The following ZNF442 variants were observed in gnomAD, a reference collection of about 807,000 sequenced individuals.
The protein encoded by ZNF442 is zinc finger protein 442.
In ZNF442, 45 loss-of-function variants were observed where a neutral mutation model predicts 57.0. That is an observed-to-expected ratio of 0.79 (90% CI 0.62 to 1.01). The LOEUF is 1.01. Ranked by LOEUF, ZNF442 falls within the 50% of genes least tolerant of loss-of-function variation. The pLI is 0.00. For synonymous variants in ZNF442, 213 were observed against 241.8 expected (o/e 0.88, Z 1.10); for missense variants, 690 against 756.5 (o/e 0.91, Z 1.03).
At chr19:12,361,719 C>T (rs879896063) in intron 3 of ZNF442, among the ~76,000 whole-genome samples, 1 of 124,586 alleles carries the variant, frequency 8.0e-6, no homozygotes, top group Non-Finnish European at 1.7e-5. Flanking sequence ...CCCACGGTCT[C>T]CCTCTCCCTC....
At position 12,350,688 on chromosome 19, in the gene ZNF442, T is replaced by C. The variant is rs1165542111; in HGVS notation, c.897A>G (p.Gly299=). The change falls in exon 6 of 6, where the codon GGA becomes GGG. Residue 299 remains glycine, a synonymous_variant. Transcript: ENST00000242804. ...GGGAACTGGAAACACTGAAGGCTCT[T>C]CCACATCGTTTACATTTATAGGGTT... ...GEKPYKCKRC[G]RAFSVSSSLR... is the part of the protein sequence containing the mutation. 6.2e-7 allele frequency: 1 copy of C among 1,613,550 alleles called. No individual in the cohort carries two copies. The highest frequency in any genetic ancestry group is 1.1e-5 in the South Asian group (1 of 90,996).
chr19:12,358,500 G>T (rs1356055515), intron 3 of ZNF442, among the ~76,000 whole-genome samples: 1 of 152,196 alleles, frequency 6.6e-6, no homozygotes, highest in Non-Finnish European at 1.5e-5. Context: ...ATGCAGATAA[G>T]TGCAGGTATC....
At chr19:12,367,869 C>T (rs574593496), upstream of ZNF442, among the ~76,000 whole-genome samples, 13 of 152,178 alleles carry the variant, frequency 8.5e-5, no homozygotes, top group South Asian at 4.2e-4. Context: ...GGGGTTTCAC[C>T]GTGTTAGCCA....
rs1413856818 is a variant in ZNF442, at chr19:12,348,038, GA to G, written c.*1662del. 6.6e-6 allele frequency: 1 copy of G among 152,132 alleles called. No homozygotes were observed. Among genetic ancestry groups the G allele is most frequent in the Non-Finnish European group, 1.5e-5 (1 of 68,026 alleles). 9.4% of individuals were successfully genotyped at this position (152,132 alleles called of 1,614,324 possible). ...GGGGCATCTACAGCCTCTGCAAGGT[GA>G]AAAGTATTAAAGATTACAATCCTCG... On this transcript the variant is annotated 3_prime_UTR_variant, in exon 6 of 6. Coordinates refer to ENST00000242804, the MANE Select transcript of ZNF442 (RefSeq NM_030824.3).
Position 12,350,923 on chromosome 19 carries a change from G to A in ZNF442, c.662C>T (p.Pro221Leu). 6.2e-7 allele frequency: 1 copy of A among 1,614,012 alleles called. No individual in the cohort carries two copies. Among genetic ancestry groups the A allele is most frequent in the East Asian group, 2.2e-5 (1 of 44,868 alleles). ...TCTTTCATGCATACGAAATAAACTA[G>A]GCCAAAAAAAGGCTTTCCCACACAA... The part of the protein sequence containing the change: ...CKLCGKAFFW[P>L]SLFRMHERTH... Residue 221 changes from proline (P) to leucine (L), a missense_variant, in exon 6 of 6, where the codon CCT becomes CTT. Pro to Leu is a moderately conservative substitution (Grantham distance 98). Coordinates refer to ENST00000242804, the MANE Select transcript of ZNF442 (RefSeq NM_030824.3).
At chr19:12,367,440 G>A (rs555940888), upstream of ZNF442, among the ~76,000 whole-genome samples, 1 of 152,302 alleles carries the variant, frequency 6.6e-6, no homozygotes, top group South Asian at 2.1e-4. Context: ...TGCATGCACT[G>A]TCTTGATAAA....
At chr19:12,367,161 C>T (rs1342276873), upstream of ZNF442, among the ~76,000 whole-genome samples, 4 of 152,078 alleles carry the variant, frequency 2.6e-5, no homozygotes, top group Non-Finnish European at 5.9e-5. Flanking sequence ...TTCTATTTTC[C>T]CTAAGTGTCG....
Position 12,362,376 on chromosome 19 carries a change from C to T in ZNF442, c.78+1178G>A, listed in dbSNP as rs556734358. 7.9e-5 allele frequency among the ~76,000 whole-genome samples: 12 copies of T among 152,230 alleles called. No homozygotes were observed. In the South Asian group the frequency reaches 1.7e-3, roughly 21 times the overall value. ...GAGCGCCTCTGCCCAGCGGCGACCC[C>T]GTCTGGGAACTGAGGAGTGTCTCTG... On this transcript the variant is annotated intron_variant, in intron 3 of 5. Transcript: ENST00000242804.
In ZNF442 at chr19:12,350,405, T is replaced by C; in HGVS notation, c.1180A>G (p.Ser394Gly). The C allele has an allele frequency of 6.2e-7, 1 of 1,613,714 alleles. No individual in the cohort carries two copies. The highest frequency in any genetic ancestry group is 1.1e-5 in the South Asian group (1 of 91,084). Reference protein sequence around the residue: ...KALSHHSSFRSHMIMHTGDGP... With the variant: ...KALSHHSSFRGHMIMHTGDGP... ...TCTCCAGTGTGCATTATCATATGAC[T>C]TCGAAAGCTTGAGTGATGAGATAAC... Residue 394 changes from serine (S) to glycine (G), a missense_variant, in exon 6 of 6, where the codon AGT (serine) becomes GGT (glycine). Coordinates refer to ENST00000242804, the MANE Select transcript of ZNF442 (RefSeq NM_030824.3).
intron 3 of ZNF442, among the ~76,000 whole-genome samples, chr19:12,362,136 T>C (rs1005707263): frequency 6.6e-6 from 1 of 152,206 alleles, no homozygotes. Context: ...TCTGCCTGGC[T>C]GCCACCCCAT....
chr19:12,367,545 T>G (rs979874233), upstream of ZNF442, among the ~76,000 whole-genome samples: 1 of 152,134 alleles, frequency 6.6e-6, no homozygotes, highest in Non-Finnish European at 1.5e-5. Flanking sequence ...CTGAGGGCAC[T>G]GCAGGAGACC....
chr19:12,353,205 T>A, intron 3 of ZNF442, 91 bp from the exon 4 acceptor site: 1 of 1,371,180 alleles, frequency 7.3e-7, no homozygotes, highest in Non-Finnish European at 9.8e-7. Flanking sequence ...TACTATTATT[T>A]CTAAGCAATG....
intron 3 of ZNF442, among the ~76,000 whole-genome samples, chr19:12,357,272 T>C (rs916630816): frequency 1.3e-5 from 2 of 152,032 alleles, no homozygotes; most frequent in Non-Finnish European, 2.9e-5. Flanking sequence ...GCAGTTCTCA[T>C]ACTTTATGTG....
intron 3 of ZNF442, among the ~76,000 whole-genome samples, chr19:12,361,982 G>A (rs972798634): frequency 1.3e-5 from 2 of 152,308 alleles, no homozygotes; most frequent in East Asian, 1.9e-4. Context: ...TCGGCCTCCC[G>A]AGGTGCAGGG....
rs992082615 is a variant in ZNF442, at chr19:12,361,713, C to A, written c.78+1841G>T. ...CCCCCTCCCCCTCTCGCTGTCCCCA[C>A]GGTCTCCCTCTCCCTCTCCCTCTCC... is the stretch of plus-strand genomic sequence containing the variant. On this transcript the variant is annotated intron_variant, in intron 3 of 5. Transcript: ENST00000242804. 7.6e-5 allele frequency among the ~76,000 whole-genome samples: 11 copies of A among 144,798 alleles called. 1 individual carries two copies. Among genetic ancestry groups the A allele is most frequent in the African/African-American group, 2.9e-4 (11 of 38,566 alleles). The allele number at this position is 144,798 out of a possible 152,430, so 95.0% of individuals were successfully genotyped here.
intron 2 of ZNF442, among the ~76,000 whole-genome samples, chr19:12,364,203 C>T (rs916515678): frequency 6.6e-6 from 1 of 151,798 alleles, no homozygotes; most frequent in Non-Finnish European, 1.5e-5. Flanking sequence ...GTCATGAGTT[C>T]GAGATGAGCT....
intron 3 of ZNF442, 89 bp downstream of exon 3, chr19:12,363,465 C>A: frequency 1.5e-6 from 2 of 1,299,748 alleles, no homozygotes; most frequent in South Asian, 1.2e-5. Context: ...CCAGGAGATA[C>A]TTCACTGTGT....
intron 3 of ZNF442, among the ~76,000 whole-genome samples, chr19:12,355,488 A>G (rs1387431008): frequency 1.3e-5 from 2 of 148,884 alleles, no homozygotes; most frequent in Non-Finnish European, 3.0e-5. Context: ...CAGCCTCCCA[A>G]GTAGCTGAGA....
chr19:12,365,738 A>C, upstream of ZNF442: 2 of 187,304 alleles, frequency 1.1e-5, no homozygotes. Context: ...CGCCCCCAAC[A>C]CTGATTGGGT....
Sources: gnomAD v4.1 joint callset for allele counts (sites outside exome capture counted in the v4.1 genomes callset) on GRCh38, gnomAD v4.1.1 for gene constraint, MANE v1.5 for transcripts, NCBI Gene and HGNC (gene_info 2026-07-23, HGNC 2026-07-21) for gene names.